DENND5A: variants seen among roughly 807,000 people sequenced by gnomAD.
The protein encoded by DENND5A is DENN domain-containing protein 5A.
DENND5A carries 64 observed loss-of-function variants against 140.3 expected under a neutral mutation model. The observed-to-expected ratio is 0.46, with a 90% CI of 0.37 to 0.56. The LOEUF (loss-of-function observed/expected upper bound fraction) is 0.56, where lower values mean the gene tolerates loss of function less well. Among genes scored for constraint, DENND5A ranks in the 20% least tolerant of loss-of-function variants. The pLI, the probability that DENND5A is intolerant of heterozygous loss-of-function variation, is 0.00. For missense variants in DENND5A, 1,292 were observed against 1,593.8 expected (o/e 0.81, Z 3.22); for synonymous variants, 605 against 607.7 (o/e 1.00, Z 0.07).
intron 4 of DENND5A, among the ~76,000 whole-genome samples, chr11:9,198,825 C>T (rs1245687538): frequency 6.6e-6 from 1 of 151,130 alleles, no homozygotes. Flanking sequence ...AATCCCAGCA[C>T]TTTGGGAGGC....
chr11:9,151,303 T>C (rs1847607922), intron 13 of DENND5A, among the ~76,000 whole-genome samples: 1 of 152,376 alleles, frequency 6.6e-6, no homozygotes, highest in Non-Finnish European at 1.5e-5. Context: ...TATATCCTCA[T>C]GTCTGGCCTA....
intron 12 of DENND5A, 108 bp from the exon 13 acceptor site, chr11:9,152,550 GT>G: frequency 2.6e-6 from 2 of 781,426 alleles, no homozygotes; most frequent in Middle Eastern, 2.3e-4. Context: ...ACTGTTTCTT[GT>G]TTCAATGTAC....
chr11:9,156,491 G>A (rs762312378), intron 12 of DENND5A, among the ~76,000 whole-genome samples: 2 of 152,168 alleles, frequency 1.3e-5, no homozygotes, highest in African/African-American at 2.4e-5. Flanking sequence ...GCCGGACGTG[G>A]TGGCCTGAGC....
intron 18 of DENND5A, among the ~76,000 whole-genome samples, chr11:9,144,713 C>A (rs935069924): frequency 1.7e-4 from 26 of 151,052 alleles, no homozygotes; most frequent in African/African-American, 4.6e-4. Context: ...CGCCTCAGCC[C>A]AGGAGGCACA....
At chr11:9,210,622 C>T (rs1849846420) in intron 1 of DENND5A, among the ~76,000 whole-genome samples, 1 of 152,190 alleles carries the variant, frequency 6.6e-6, no homozygotes, top group Non-Finnish European at 1.5e-5. Context: ...CGGCTCACTG[C>T]AGCCTCAACC....
intron 1 of DENND5A, among the ~76,000 whole-genome samples, chr11:9,258,478 A>G (rs1271915512): frequency 6.6e-6 from 1 of 152,150 alleles, no homozygotes; most frequent in Non-Finnish European, 1.5e-5. Flanking sequence ...ATGGCTGCAT[A>G]GTATTCCATG....
At chr11:9,226,478 G>A (rs1012770125) in intron 1 of DENND5A, among the ~76,000 whole-genome samples, 1 of 152,048 alleles carries the variant, frequency 6.6e-6, no homozygotes, top group Non-Finnish European at 1.5e-5. Flanking sequence ...AGTTTCTGGG[G>A]CTATTTCAAT....
At chr11:9,215,724 T>C (rs1850064908) in intron 1 of DENND5A, among the ~76,000 whole-genome samples, 1 of 89,890 alleles carries the variant, frequency 1.1e-5, no homozygotes, top group South Asian at 4.6e-4. Context: ...ATTGTTTTTG[T>C]GTTTTAGTAA....
At chr11:9,252,376 C>T (rs563811991) in intron 1 of DENND5A, among the ~76,000 whole-genome samples, 38 of 151,548 alleles carry the variant, frequency 2.5e-4, no homozygotes, top group Non-Finnish European at 3.4e-4. Context: ...CGGCCAGGTG[C>T]AGTGGCTCAT....
intron 1 of DENND5A, among the ~76,000 whole-genome samples, chr11:9,248,072 T>A (rs754784685): frequency 2.0e-5 from 3 of 152,130 alleles, no homozygotes; most frequent in Non-Finnish European, 4.4e-5. Context: ...AACCTCTGCC[T>A]CCCAGGCTCA....
chr11:9,171,986 T>C (rs1371181286), intron 8 of DENND5A: 2 of 151,782 alleles, frequency 1.3e-5, no homozygotes, highest in East Asian at 3.9e-4. Context: ...CACTCAACAA[T>C]GCAGGAGAAA....
At chr11:9,197,175 C>T (rs1166548755) in intron 4 of DENND5A, among the ~76,000 whole-genome samples, 3 of 150,984 alleles carry the variant, frequency 2.0e-5, no homozygotes, top group Non-Finnish European at 4.4e-5. Flanking sequence ...TATGGTGGCA[C>T]GTGCCTGTAA....
chr11:9,158,648 A>T (rs572059326), intron 12 of DENND5A, among the ~76,000 whole-genome samples: 2 of 152,188 alleles, frequency 1.3e-5, no homozygotes, highest in African/African-American at 4.8e-5. Flanking sequence ...TTAGTTTCAT[A>T]AAGTTATTAA....
intron 1 of DENND5A, among the ~76,000 whole-genome samples, chr11:9,212,073 C>T (rs1374265222): frequency 6.6e-6 from 1 of 151,368 alleles, no homozygotes; most frequent in Admixed American, 6.6e-5. Flanking sequence ...GAAATACAGA[C>T]AGAAAAAAGG....
chr11:9,239,335 CTTTTT>C (rs1213339417), intron 1 of DENND5A, among the ~76,000 whole-genome samples: 1 of 121,296 alleles, frequency 8.2e-6, no homozygotes, highest in Non-Finnish European at 1.7e-5. Flanking sequence ...CCTGGCTAAA[CTTTTT>C]TTTTTTTTTT....
At chr11:9,152,512 T>C (rs1847653437) in intron 12 of DENND5A, 70 bp from the exon 13 acceptor site, 6 of 1,070,564 alleles carry the variant, frequency 5.6e-6, no homozygotes, top group Admixed American at 3.4e-5. Flanking sequence ...AACATACAGA[T>C]AGAAGCTTTT....
At chr11:9,161,015 A>T in intron 11 of DENND5A, 150 bp from the exon 12 acceptor site, 1 of 767,960 alleles carries the variant, frequency 1.3e-6, no homozygotes, top group Non-Finnish European at 2.1e-6. Context: ...ATTTATACCC[A>T]TGTAGGTCAG....
In DENND5A at chr11:9,265,280, A is replaced by C; in HGVS notation, c.-211T>G. 2 of 251,198 alleles carry C rather than the reference A, an allele frequency of 8.0e-6. No individual in the cohort carries two copies. The highest frequency in any genetic ancestry group is 2.4e-5 in the African/African-American group (1 of 42,042). 15.6% of individuals were successfully genotyped at this position (251,198 alleles called of 1,614,324 possible). On this transcript the variant is annotated 5_prime_UTR_variant, in exon 1 of 23. Transcript: ENST00000328194. The surrounding 1 kb of genome is among the most constrained non-coding windows in gnomAD (Gnocchi z 4.7). ...CGGGCCGCCCCGCACCGCATCCTGG[A>C]TGCCTTCCCCTCCGCGCCGCCGCCG...
In DENND5A at chr11:9,204,128, A is replaced by G. The variant is rs1385689099; in HGVS notation, c.481T>C (p.Tyr161His). ...GCAGGGGGAGCATGTAGGACATCAT[A>G]CTCAGCATTGTGCATGTGGTAGAGG... ...QTLYHMHNAE[Y>H]DVLHAPPADD... Residue 161 changes from tyrosine to histidine, a missense_variant, in exon 4 of 23, where the codon TAT (tyrosine) becomes CAT (histidine). Transcript: ENST00000328194. The G allele has an allele frequency of 6.2e-7, 1 of 1,614,042 alleles. No individual in the cohort carries two copies. Among genetic ancestry groups the G allele is most frequent in the East Asian group, 2.2e-5 (1 of 44,864 alleles).
Sources: gnomAD v4.1 joint callset for allele counts (sites outside exome capture counted in the v4.1 genomes callset) on GRCh38, gnomAD v4.1.1 for gene constraint, Gnocchi (gnomAD v3.1) non-coding constraint, MANE v1.5 for transcripts, NCBI Gene and HGNC (gene_info 2026-07-23, HGNC 2026-07-21) for gene names.